The following NFATC1 variants were observed in gnomAD, a reference collection of about 807,000 sequenced individuals.
NFATC1 encodes nuclear factor of activated T cells 1.
In NFATC1, 22 loss-of-function variants were observed where a neutral mutation model predicts 76.0. The ratio of observed to expected loss-of-function variants is 0.29; its 90% CI spans 0.21 to 0.41. The LOEUF (loss-of-function observed/expected upper bound fraction) is 0.41. NFATC1 is among the 10% of genes least tolerant of loss of function. The pLI is 1.00. For missense variants in NFATC1, 1,357 were observed against 1,337.7 expected (o/e 1.01, Z -0.23); for synonymous variants, 704 against 613.1 (o/e 1.15, Z -2.19).
chr18:79,511,272 A>G (rs1342510448), intron 9 of NFATC1, among the ~76,000 whole-genome samples: 2 of 152,134 alleles, frequency 1.3e-5, no homozygotes, highest in African/African-American at 2.4e-5. Context: ...TCCGGGGTCA[A>G]TATGTCCTGA....
intron 2 of NFATC1, among the ~76,000 whole-genome samples, chr18:79,425,994 T>C (rs2086315599): frequency 6.6e-6 from 1 of 152,154 alleles, no homozygotes; most frequent in South Asian, 2.1e-4. Context: ...CCAGGATCGC[T>C]GGAGCCCAGG....
At chr18:79,433,476 G>T in intron 2 of NFATC1, 103 bp from the exon 3 acceptor site, 1 of 1,373,414 alleles carries the variant, frequency 7.3e-7, no homozygotes, top group Non-Finnish European at 1.0e-6. Flanking sequence ...TGCACTCGCC[G>T]ATGAAGTGTC....
Position 79,486,387 on chromosome 18 carries a change from C to T in NFATC1, c.2232C>T (p.Leu744=), listed in dbSNP as rs954133868. Reference sequence around the variant, plus strand: ...TGCCACCCGACCCCAGCTCCTGCCTCGTGGCCGGCTTCCCGCCCTGTCCGC... The same window carrying T: ...TGCCACCCGACCCCAGCTCCTGCCTTGTGGCCGGCTTCCCGCCCTGTCCGC... ...LAMPPDPSSC[L]VAGFPPCPQR... Residue 744 remains leucine (L), a synonymous_variant, in exon 9 of 10, where the codon CTC becomes CTT. Transcript: ENST00000427363. 2.2e-5 allele frequency: 35 copies of T among 1,612,842 alleles called. No homozygotes were observed. In the Admixed American group the frequency reaches 3.2e-4, roughly 15 times the overall value.
At chr18:79,406,863 C>T (rs770835421) in intron 1 of NFATC1, among the ~76,000 whole-genome samples, 3 of 151,960 alleles carry the variant, frequency 2.0e-5, no homozygotes, top group Non-Finnish European at 4.4e-5. Flanking sequence ...CACGGCTCCG[C>T]GGGTCTTCCG....
chr18:79,411,120 C>G lies in NFATC1; in HGVS notation c.845C>G (p.Ser282Trp), dbSNP rs758525737. ...GRQPPYSPHH[S>W]PTPSPHGSPR... ...CAGCCGCCCTACTCACCCCACCACT[C>G]GCCCACGCCGTCCCCGCACGGCTCC... The change falls in exon 2 of 10, where the codon TCG becomes TGG. Residue 282 changes from serine to tryptophan, a missense_variant. Transcript: ENST00000427363. 1 of 1,612,298 alleles carries G rather than the reference C, an allele frequency of 6.2e-7. No homozygotes were observed. The highest frequency in any genetic ancestry group is 8.5e-7 in the Non-Finnish European group (1 of 1,179,730).
At chr18:79,477,558 C>T (rs757618950) in intron 8 of NFATC1, among the ~76,000 whole-genome samples, 7 of 144,064 alleles carry the variant, frequency 4.9e-5, no homozygotes, top group Admixed American at 4.1e-4. Flanking sequence ...CACTACCGGC[C>T]GTACTGTTGG....
intron 8 of NFATC1, among the ~76,000 whole-genome samples, chr18:79,478,537 T>G (rs927123052): frequency 6.6e-6 from 1 of 152,190 alleles, no homozygotes; most frequent in African/African-American, 2.4e-5. Flanking sequence ...ACTCATGTCC[T>G]GGCTCCTGTT....
chr18:79,406,427 G>A (rs1274498972), intron 1 of NFATC1, among the ~76,000 whole-genome samples: 3 of 152,090 alleles, frequency 2.0e-5, no homozygotes, highest in Non-Finnish European at 4.4e-5. Flanking sequence ...GGGAGGCTGG[G>A]CCCCCGTGAT....
chr18:79,507,338 G>A (rs747971260), intron 9 of NFATC1, among the ~76,000 whole-genome samples: 1 of 152,264 alleles, frequency 6.6e-6, no homozygotes, highest in Non-Finnish European at 1.5e-5. Flanking sequence ...AGCCTGGACT[G>A]CGGGTTAGAG....
intron 2 of NFATC1, among the ~76,000 whole-genome samples, chr18:79,419,396 C>T (rs1353758073): frequency 1.3e-5 from 2 of 151,458 alleles, no homozygotes; most frequent in Non-Finnish European, 3.0e-5. Flanking sequence ...CTAGGAGGGT[C>T]AGAACCTGCC....
At chr18:79,413,928 A>G (rs1206959713) in intron 2 of NFATC1, among the ~76,000 whole-genome samples, 3 of 152,188 alleles carry the variant, frequency 2.0e-5, no homozygotes, top group African/African-American at 4.8e-5. Flanking sequence ...CAGAGCGCCC[A>G]GTTAGGTGTG....
At chr18:79,430,857 CT>C (rs2086566116) in intron 2 of NFATC1, among the ~76,000 whole-genome samples, 1 of 152,244 alleles carries the variant, frequency 6.6e-6, no homozygotes, top group Non-Finnish European at 1.5e-5. Context: ...CAGCTGCCCC[CT>C]CTCCCTTCCC....
At chr18:79,428,667 T>C (rs1166882589) in intron 2 of NFATC1, among the ~76,000 whole-genome samples, 1 of 152,206 alleles carries the variant, frequency 6.6e-6, no homozygotes, top group Non-Finnish European at 1.5e-5. Context: ...GCTAAAATGC[T>C]CAAAATGTGA....
rs185420506 is a variant in NFATC1 at position 79,414,185 on chromosome 18, A to G, written c.1226+2684A>G. On this transcript the variant is annotated intron_variant, in intron 2 of 9. Coordinates refer to ENST00000427363, the MANE Select transcript of NFATC1 (RefSeq NM_001278669.2). ...GTGGAGAGGCCAGACTTCCTTCCCC[A>G]GGAATGCCTCTCCGTCGGTCACATG... Among the ~76,000 whole-genome samples, 265 of 152,312 alleles carry G rather than the reference A, an allele frequency of 1.7e-3. 1 individual carries two copies. Among genetic ancestry groups the G allele is most frequent in the African/African-American group, 6.1e-3 (254 of 41,558 alleles).
At chr18:79,512,106 G>A (rs1263728434) in intron 9 of NFATC1, among the ~76,000 whole-genome samples, 1 of 152,114 alleles carries the variant, frequency 6.6e-6, no homozygotes, top group Non-Finnish European at 1.5e-5. Context: ...AGAGGCCCAG[G>A]AGGAGCCGGC....
In NFATC1 at chr18:79,410,635, C is replaced by G; in HGVS notation, c.360C>G (p.Ile120Met). The G allele has an allele frequency of 1.9e-6, 3 of 1,613,240 alleles. No homozygotes were observed. The highest frequency in any genetic ancestry group is 2.5e-6 in the Non-Finnish European group (3 of 1,180,016). ...DGAPALESPR[I>M]EITSCLGLYH... ...CCCCTGCCCTGGAGAGTCCTCGCAT[C>G]GAGATAACCTCGTGCTTGGGCCTGT... The change falls in exon 2 of 10, where the codon ATC becomes ATG. Residue 120 changes from isoleucine (I) to methionine (M), a missense_variant. Around this residue, in one of 3 missense-constraint regions of NFATC1, gnomAD observed 691 missense variants for 613.1 expected, o/e 1.13. Coordinates refer to ENST00000427363, the MANE Select transcript of NFATC1 (RefSeq NM_001278669.2). This position sits in a 1 kb window ranked among gnomAD's most constrained non-coding sequence, Gnocchi z 6.7.
intron 1 of NFATC1, among the ~76,000 whole-genome samples, chr18:79,400,801 G>C (rs1300169576): frequency 5.4e-5 from 1 of 18,548 alleles, no homozygotes; most frequent in Non-Finnish European, 9.6e-5. Context: ...CCCGCCCCGC[G>C]TCCCGCCCTC....
chr18:79,422,726 T>C (rs1342350623), intron 2 of NFATC1: 1 of 152,212 alleles, frequency 6.6e-6, no homozygotes, highest in Non-Finnish European at 1.5e-5. Flanking sequence ...ACGGGCTCCT[T>C]TTGCTTCCCA....
At position 79,513,874 on chromosome 18, in the gene NFATC1, C is replaced by T. The variant is rs563970398; in HGVS notation, c.2783-13654C>T. On this transcript the variant is annotated intron_variant, in intron 9 of 9. Coordinates refer to ENST00000427363, the MANE Select transcript of NFATC1 (RefSeq NM_001278669.2). ...GCCATGTGCATGCCCACGTCCAGGA[C>T]GGGCCACTGTGGAGCCCATGGATCC... Among the ~76,000 whole-genome samples, 398 of 152,308 alleles carry T rather than the reference C, an allele frequency of 2.6e-3. 3 individuals are homozygous for T. Among genetic ancestry groups the T allele is most frequent in the African/African-American group, 9.1e-3 (377 of 41,562 alleles).
Sources: allele counts gnomAD v4.1 joint callset (sites outside exome capture counted in the v4.1 genomes callset), GRCh38; gene constraint gnomAD v4.1.1; regional missense constraint gnomAD v4.1.1; non-coding constraint Gnocchi (gnomAD v3.1); transcripts MANE v1.5; gene names NCBI Gene and HGNC (gene_info 2026-07-23, HGNC 2026-07-21).